The following COL19A1 variants were observed in gnomAD, a reference collection of about 807,000 sequenced individuals.
The protein encoded by COL19A1 is collagen type XIX alpha 1 chain, also known as collagen alpha-1(XIX) chain.
COL19A1 carries 159 observed loss-of-function variants against 190.2 expected under a neutral mutation model. The ratio of observed to expected loss-of-function variants is 0.84; its 90% CI spans 0.73 to 0.95. The LOEUF is 0.95. COL19A1 is among the 40% of genes least tolerant of loss of function. The probability of loss-of-function intolerance (pLI) is 0.00; values close to 1 mark genes in which losing one functional copy is unlikely to be tolerated. For missense variants in COL19A1, 1,418 were observed against 1,431.9 expected, an observed-to-expected ratio of 0.99 and a Z score of 0.16; for synonymous variants, 509 against 458.9, an observed-to-expected ratio of 1.11 and a Z score of -1.39.
At chr6:70,028,672 C>A (rs762266051) in intron 12 of COL19A1, among the ~76,000 whole-genome samples, 1 of 152,124 alleles carries the variant, frequency 6.6e-6, no homozygotes, top group Non-Finnish European at 1.5e-5. Flanking sequence ...GTTCTTGGAT[C>A]TGAGGCAGCT....
intron 2 of COL19A1, among the ~76,000 whole-genome samples, chr6:69,888,132 G>A (rs1769067425): frequency 6.6e-6 from 1 of 152,170 alleles, no homozygotes; most frequent in South Asian, 2.1e-4. Context: ...AGCAGAAAGG[G>A]CCATTGTCAG....
intron 14 of COL19A1, among the ~76,000 whole-genome samples, chr6:70,060,330 A>G (rs149928790): frequency 8.0e-4 from 122 of 152,272 alleles, no homozygotes; most frequent in African/African-American, 2.9e-3. Context: ...AGTTCCTTCT[A>G]TAAGTATTGT....
At chr6:69,886,993 T>C (rs1018414498) in intron 2 of COL19A1, among the ~76,000 whole-genome samples, 1 of 152,228 alleles carries the variant, frequency 6.6e-6, no homozygotes, top group African/African-American at 2.4e-5. Flanking sequence ...ATGCTAAAGA[T>C]ATGAAATGGC....
chr6:69,972,493 T>C (rs1243316255), intron 11 of COL19A1, among the ~76,000 whole-genome samples: 1 of 152,186 alleles, frequency 6.6e-6, no homozygotes, highest in Non-Finnish European at 1.5e-5. Context: ...GGAAGTATTA[T>C]AGAGAAAGTT....
Position 70,035,493 on chromosome 6 carries a change from T to C in COL19A1, c.1135-411T>C, listed in dbSNP as rs190600338. Among the ~76,000 whole-genome samples, 5 of 152,304 alleles carry C rather than the reference T, an allele frequency of 3.3e-5. No individual in the cohort carries two copies. In the East Asian group the frequency reaches 9.6e-4, roughly 29 times the overall value. Reference sequence around the variant, plus strand: ...CTTCTTGCAGCTGGGAAGCATGAAATGGGGAGATCCACTTATTATTTCTGC... The same window carrying C: ...CTTCTTGCAGCTGGGAAGCATGAAACGGGGAGATCCACTTATTATTTCTGC... On this transcript the variant is annotated intron_variant, in intron 13 of 50. Transcript: ENST00000620364.
intron 1 of COL19A1, among the ~76,000 whole-genome samples, chr6:69,873,059 C>T (rs1050199835): frequency 5.9e-5 from 9 of 152,070 alleles, no homozygotes; most frequent in Non-Finnish European, 1.2e-4. Flanking sequence ...GTGTAATATG[C>T]GGATATAATA....
At chr6:70,038,799 T>C (rs1385208489) in intron 14 of COL19A1, among the ~76,000 whole-genome samples, 2 of 152,188 alleles carry the variant, frequency 1.3e-5, no homozygotes, top group Non-Finnish European at 1.5e-5. Flanking sequence ...TGCACTACAC[T>C]GGTCACAAAG....
chr6:70,004,761 G>T (rs1239010503), intron 11 of COL19A1, among the ~76,000 whole-genome samples: 1 of 151,730 alleles, frequency 6.6e-6, no homozygotes, highest in Non-Finnish European at 1.5e-5. Context: ...CTAGTTAGCA[G>T]CTCCTCAAAC....
At chr6:69,964,816 T>C (rs1462696218) in intron 11 of COL19A1, among the ~76,000 whole-genome samples, 1 of 152,204 alleles carries the variant, frequency 6.6e-6, no homozygotes, top group Non-Finnish European at 1.5e-5. Context: ...ATAAGATTCA[T>C]GTAATAACCG....
intron 11 of COL19A1, among the ~76,000 whole-genome samples, chr6:69,964,620 C>T (rs1774990050): frequency 6.6e-6 from 1 of 152,126 alleles, no homozygotes; most frequent in African/African-American, 2.4e-5. Flanking sequence ...CCGTATTTGG[C>T]TTCAAGGATT....
chr6:70,075,107 A>T (rs536063234), intron 15 of COL19A1, among the ~76,000 whole-genome samples: 2 of 152,202 alleles, frequency 1.3e-5, no homozygotes, highest in Non-Finnish European at 2.9e-5. Context: ...TTTACTTGCT[A>T]TGACATTTCT....
rs954733548 is a variant in COL19A1 at position 70,211,105 on chromosome 6, C to A, written c.*3831C>A. Among the ~76,000 whole-genome samples the A allele has an allele frequency of 2.6e-5, 4 of 152,126 alleles. No individual in the cohort carries two copies. Among genetic ancestry groups the A allele is most frequent in the Admixed American group, 2.0e-4 (3 of 15,272 alleles). On this transcript the variant is annotated 3_prime_UTR_variant, in exon 51 of 51. Transcript: ENST00000620364. ...CACAAGAAGCAGACAATTTATAAAA[C>A]TACACAATGTCTAAACTCTATGTTG...
At chr6:70,132,423 T>C (rs1255456172) in intron 18 of COL19A1, among the ~76,000 whole-genome samples, 1 of 152,072 alleles carries the variant, frequency 6.6e-6, no homozygotes, top group Non-Finnish European at 1.5e-5. Context: ...AACACAAACA[T>C]GAGCATAGCA....
intron 4 of COL19A1, among the ~76,000 whole-genome samples, chr6:69,909,894 C>G (rs796348606): frequency 5.3e-5 from 8 of 152,240 alleles, no homozygotes; most frequent in African/African-American, 1.7e-4. Flanking sequence ...CCATTGCTCA[C>G]ATCAGAACTC....
At chr6:69,918,168 T>C (rs1224695850) in intron 4 of COL19A1, among the ~76,000 whole-genome samples, 2 of 152,184 alleles carry the variant, frequency 1.3e-5, no homozygotes, top group Non-Finnish European at 2.9e-5. Context: ...AAATGCATCT[T>C]ATTCTAGGAA....
At chr6:70,176,955 A>G (rs1344194809) in intron 42 of COL19A1, among the ~76,000 whole-genome samples, 3 of 152,198 alleles carry the variant, frequency 2.0e-5, no homozygotes, top group Admixed American at 1.3e-4. Flanking sequence ...AGTTCCTTGT[A>G]TTAATGCAAT....
At position 70,209,759 on chromosome 6, in the gene COL19A1, C is replaced by T. The variant is rs146488491; in HGVS notation, c.*2485C>T. ...GAAACAAGGCTGTATCCACATGGTA[C>T]AAGCCTTTCTCACCCTACTCTATTA... On this transcript the variant is annotated 3_prime_UTR_variant, in exon 51 of 51. Transcript: ENST00000620364. 1.2e-3 allele frequency: 183 copies of T among 152,294 alleles called. No homozygotes were observed. Among genetic ancestry groups the T allele is most frequent in the African/African-American group, 4.0e-3 (168 of 41,564 alleles). The allele number at this position is 152,294 out of a possible 1,614,324, so 9.4% of individuals were successfully genotyped here.
chr6:69,973,423 G>T (rs553687242), intron 11 of COL19A1, among the ~76,000 whole-genome samples: 1 of 152,008 alleles, frequency 6.6e-6, no homozygotes, highest in South Asian at 2.1e-4. Flanking sequence ...TCCACTTCAG[G>T]TTACTTTCTT....
At chr6:69,982,757 C>T (rs1449554997) in intron 11 of COL19A1, among the ~76,000 whole-genome samples, 3 of 150,218 alleles carry the variant, frequency 2.0e-5, no homozygotes, top group East Asian at 2.0e-4. Flanking sequence ...CAGATCACGA[C>T]GTCAGGAGAT....
Sources: gnomAD v4.1 joint callset for allele counts (sites outside exome capture counted in the v4.1 genomes callset) on GRCh38, gnomAD v4.1.1 for gene constraint, MANE v1.5 for transcripts, NCBI Gene and HGNC (gene_info 2026-07-23, HGNC 2026-07-21) for gene names.